The following LARP6 variants were observed in gnomAD, a reference collection of about 807,000 sequenced individuals.
LARP6 encodes La ribonucleoprotein 6, translational regulator.
Under a neutral mutation model 32.8 loss-of-function variants are expected in LARP6, and 18 were observed. The ratio of observed to expected loss-of-function variants is 0.55; its 90% CI spans 0.38 to 0.81. The LOEUF (loss-of-function observed/expected upper bound fraction) is 0.81, where lower values mean the gene tolerates loss of function less well. LARP6 is among the 40% of genes least tolerant of loss of function. The pLI, the probability that LARP6 is intolerant of heterozygous loss-of-function variation, is 0.00. For synonymous variants in LARP6, 289 were observed against 267.2 expected (o/e 1.08, Z -0.80); for missense variants, 598 against 663.1 (o/e 0.90, Z 1.08).
intron 1 of LARP6, among the ~76,000 whole-genome samples, chr15:70,840,219 A>T (rs1037386626): frequency 1.3e-5 from 2 of 152,214 alleles, no homozygotes; most frequent in African/African-American, 4.8e-5. Flanking sequence ...TATTAGGGAA[A>T]GTTTATCGCC....
intron 2 of LARP6, among the ~76,000 whole-genome samples, chr15:70,835,540 A>G (rs1337127430): frequency 6.6e-6 from 1 of 152,236 alleles, no homozygotes. Flanking sequence ...GCTCTCCTCC[A>G]GTGCACTCTG....
Position 70,831,857 on chromosome 15 carries a change from G to A in LARP6, c.*195C>T, listed in dbSNP as rs958585684. On this transcript the variant is annotated 3_prime_UTR_variant, in exon 3 of 3. Coordinates refer to ENST00000299213, the MANE Select transcript of LARP6 (RefSeq NM_018357.4). ...AGTGGCCATGCTGGGAAGAACAGGAGTCCTGAACTAGAAGGTGGTCTTCAA... is the reference window on the plus strand; with the variant it reads ...AGTGGCCATGCTGGGAAGAACAGGAATCCTGAACTAGAAGGTGGTCTTCAA... 3 of 413,236 alleles carry A rather than the reference G, an allele frequency of 7.3e-6. No individual in the cohort carries two copies. Among genetic ancestry groups the A allele is most frequent in the Non-Finnish European group, 8.5e-6 (2 of 234,994 alleles). 25.6% of individuals were successfully genotyped at this position (413,236 alleles called of 1,614,324 possible). A position where few individuals can be genotyped will look rare whatever the true frequency, so the allele number is the denominator to read the frequency against.
At chr15:70,841,702 C>T (rs2032262474) in intron 1 of LARP6, among the ~76,000 whole-genome samples, 1 of 152,066 alleles carries the variant, frequency 6.6e-6, no homozygotes, top group African/African-American at 2.4e-5. Flanking sequence ...CACCAACTCT[C>T]TCTCTTGCTC....
chr15:70,841,554 G>A (rs756090847), intron 1 of LARP6, among the ~76,000 whole-genome samples: 5 of 152,142 alleles, frequency 3.3e-5, no homozygotes, highest in Non-Finnish European at 7.3e-5. Context: ...GGTGGGGCCT[G>A]GTGGGAGGTG....
intron 1 of LARP6, among the ~76,000 whole-genome samples, chr15:70,840,888 G>A (rs1595952743): frequency 6.7e-6 from 1 of 149,632 alleles, no homozygotes; most frequent in Non-Finnish European, 1.5e-5. Flanking sequence ...ATAGAAGGAA[G>A]GCAGTATAAT....
Position 70,829,327 on chromosome 15 carries a change from G to C in LARP6, c.*2725C>G, listed in dbSNP as rs2031999476. On this transcript the variant is annotated 3_prime_UTR_variant, in exon 3 of 3. Coordinates refer to ENST00000299213, the MANE Select transcript of LARP6 (RefSeq NM_018357.4). ...CTAATTTTTTTGTATTTTTAGTAGA[G>C]ACAGGGTTTTACCACATTAGCCAGG... The C allele has an allele frequency of 6.6e-6, 1 of 151,892 alleles. No individual in the cohort carries two copies. Among genetic ancestry groups the C allele is most frequent in the Non-Finnish European group, 1.5e-5 (1 of 68,070 alleles). 9.4% of individuals were successfully genotyped at this position (151,892 alleles called of 1,614,324 possible).
chr15:70,836,354 G>A lies in LARP6; in HGVS notation c.352C>T (p.His118Tyr). ...TATCCCAGCTTGTTCCTCCTCACGT[G>A]TTTTAGCAAAAAGGCGTCCTTCTCC... ...NLEKDAFLLK[H>Y]VRRNKLGYVS... Residue 118 changes from histidine (H) to tyrosine (Y), a missense_variant, in exon 2 of 3, where the codon CAC (histidine) becomes TAC (tyrosine). Transcript: ENST00000299213. 9 of 1,614,144 alleles carry A rather than the reference G, an allele frequency of 5.6e-6. No individual in the cohort carries two copies. The highest frequency in any genetic ancestry group is 7.6e-6 in the Non-Finnish European group (9 of 1,180,016).
chr15:70,851,996 G>T, intron 1 of LARP6: 1 of 448,830 alleles, frequency 2.2e-6, no homozygotes, highest in Non-Finnish European at 4.2e-6. Context: ...TTGACAGCGT[G>T]AACTGTTGAG....
rs1186328900 is a variant in LARP6, at chr15:70,829,504, A to G, written c.*2548T>C. On this transcript the variant is annotated 3_prime_UTR_variant, in exon 3 of 3. Coordinates refer to ENST00000299213, the MANE Select transcript of LARP6 (RefSeq NM_018357.4). Reference sequence around the variant, plus strand: ...TGAGGCCAGGGTTAAGAATTGCAGCAAAAGGAGGCTTGCCTTTGGAGGTGA... The same window carrying G: ...TGAGGCCAGGGTTAAGAATTGCAGCGAAAGGAGGCTTGCCTTTGGAGGTGA... The G allele has an allele frequency of 6.6e-6, 1 of 152,296 alleles. No homozygotes were observed. The highest frequency in any genetic ancestry group is 1.5e-5 in the Non-Finnish European group (1 of 68,096). 9.4% of individuals were successfully genotyped at this position (152,296 alleles called of 1,614,324 possible).
chr15:70,841,074 C>T (rs1269191367), intron 1 of LARP6, among the ~76,000 whole-genome samples: 9 of 152,144 alleles, frequency 5.9e-5, no homozygotes, highest in Admixed American at 4.6e-4. Context: ...CCACCGCGCC[C>T]GGCTAATTTT....
intron 1 of LARP6, chr15:70,852,179 C>A: frequency 2.5e-6 from 1 of 404,388 alleles, no homozygotes. Flanking sequence ...TTCTTGGCTA[C>A]ATCTCCTCCT....
Position 70,832,023 on chromosome 15 carries a change from G to T in LARP6, c.*29C>A. On this transcript the variant is annotated 3_prime_UTR_variant, in exon 3 of 3. Coordinates refer to ENST00000299213, the MANE Select transcript of LARP6 (RefSeq NM_018357.4). ...ACCTTGAAAACGAAGGTGGTTTTCA[G>T]TGGAGCTTGTATTAAAAATAGAAGG... is the stretch of plus-strand genomic sequence containing the variant. 1 of 1,425,930 alleles carries T rather than the reference G, an allele frequency of 7.0e-7. No homozygotes were observed. The highest frequency in any genetic ancestry group is 9.3e-7 in the Non-Finnish European group (1 of 1,071,992). 88.3% of individuals were successfully genotyped at this position (1,425,930 alleles called of 1,614,324 possible).
chr15:70,839,973 C>T (rs1031126821), intron 1 of LARP6, among the ~76,000 whole-genome samples: 2 of 152,152 alleles, frequency 1.3e-5, no homozygotes, highest in African/African-American at 2.4e-5. Flanking sequence ...AGTTGTTGGG[C>T]CAGCTCTTAT....
intron 1 of LARP6, among the ~76,000 whole-genome samples, chr15:70,842,021 TG>T (rs1473148501): frequency 2.0e-5 from 3 of 152,072 alleles, no homozygotes; most frequent in Non-Finnish European, 4.4e-5. Context: ...CCCCATTTTA[TG>T]TCTCCTCTTT....
intron 1 of LARP6, among the ~76,000 whole-genome samples, chr15:70,837,364 C>T (rs1209734885): frequency 6.6e-6 from 1 of 152,102 alleles, no homozygotes; most frequent in Non-Finnish European, 1.5e-5. Flanking sequence ...GACTGGGAGA[C>T]ACAGTGAGAC....
chr15:70,846,653 A>ATACATACATACATAC (rs1567023098), intron 1 of LARP6, among the ~76,000 whole-genome samples: 5 of 84,846 alleles, frequency 5.9e-5, no homozygotes, highest in South Asian at 7.9e-4. Flanking sequence ...TACATACATA[A>ATACATACATACATAC]TAAAAAAAAA....
chr15:70,839,281 A>G (rs1206641622), intron 1 of LARP6, among the ~76,000 whole-genome samples: 2 of 152,080 alleles, frequency 1.3e-5, no homozygotes, highest in African/African-American at 4.8e-5. Flanking sequence ...TCTACTAAAA[A>G]TACAAAAAAT....
intron 1 of LARP6, among the ~76,000 whole-genome samples, chr15:70,844,871 T>C (rs950108571): frequency 1.3e-5 from 2 of 152,250 alleles, no homozygotes. Flanking sequence ...AGTTGGAGTA[T>C]ACATTTTTGA....
At position 70,836,277 on chromosome 15, in the gene LARP6, C is replaced by G; in HGVS notation, c.411+18G>C. 3.1e-6 allele frequency: 5 copies of G among 1,609,818 alleles called. No individual in the cohort carries two copies. The highest frequency in any genetic ancestry group is 4.3e-6 in the Non-Finnish European group (5 of 1,176,192). ...AAACTTGAAATCCTTGAAGCAGCTT[C>G]TGAGAACCAAGCCTCACCTTTTTGA... On this transcript the variant is annotated intron_variant, in intron 2 of 2. Coordinates refer to ENST00000299213, the MANE Select transcript of LARP6 (RefSeq NM_018357.4).
Sources: gnomAD v4.1 joint callset for allele counts (sites outside exome capture counted in the v4.1 genomes callset) on GRCh38, gnomAD v4.1.1 for gene constraint, MANE v1.5 for transcripts, NCBI Gene and HGNC (gene_info 2026-07-23, HGNC 2026-07-21) for gene names.